Variants in MRPL11 observed in about 807,000 individuals in gnomAD.
MRPL11 encodes large ribosomal subunit protein uL11m.
Under a neutral mutation model 19.1 loss-of-function variants are expected in MRPL11, and 21 were observed. The observed-to-expected ratio is 1.10, with a 90% confidence interval of 0.78 to 1.58. MRPL11 has a LOEUF of 1.58. Among genes scored for constraint, MRPL11 ranks in the 40% most tolerant of loss-of-function variants. MRPL11 has a pLI of 0.00. For synonymous variants in MRPL11, 108 were observed against 99.7 expected (o/e 1.08, Z -0.49); for missense variants, 242 against 243.9 (o/e 0.99, Z 0.05).
chr11:66,437,228 C>A lies in MRPL11; in HGVS notation c.349G>T (p.Val117Leu), dbSNP rs1304057524. 6.2e-7 allele frequency: 1 copy of A among 1,614,220 alleles called. No homozygotes were observed. Among genetic ancestry groups the A allele is most frequent in the South Asian group, 1.1e-5 (1 of 91,084 alleles). ...GCTTTGATGCGGGCAATCTCATACA[C>A]ATGCTTCAAGGTCACCAGGCCTGCC... The part of the protein sequence containing the change: ...EVAGLVTLKH[V>L]YEIARIKAQD... The change falls in exon 4 of 5, where the codon GTG (valine) becomes TTG (leucine). Residue 117 changes from valine to leucine, a missense_variant. By Grantham distance (32) the Val-to-Leu change is conservative (BLOSUM62 1). Coordinates refer to ENST00000310999, the MANE Select transcript of MRPL11 (RefSeq NM_016050.5).
Position 66,438,796 on chromosome 11 carries a change from A to G in MRPL11, c.-42T>C. 2.1e-6 allele frequency: 3 copies of G among 1,452,446 alleles called. No individual in the cohort carries two copies. The highest frequency in any genetic ancestry group is 2.7e-5 in the Admixed American group (1 of 36,756). 90.0% of individuals were successfully genotyped at this position (1,452,446 alleles called of 1,614,324 possible). On this transcript the variant is annotated 5_prime_UTR_variant, in exon 1 of 5. Transcript: ENST00000310999. ...CTTCAGTTCACCTCAGGGGAGCAGC[A>G]AGAGCGAAGCTCTGGGCGCCACCAT...
Position 66,435,819 on chromosome 11 carries a change from G to C in MRPL11, c.*188C>G. On this transcript the variant is annotated 3_prime_UTR_variant, in exon 5 of 5. Transcript: ENST00000310999. ...CTGGTTCCCTTCCCTGAGGTCCCAA[G>C]ATAGAAGATGACAGTGGGTAAGAAA... 2 of 567,190 alleles carry C rather than the reference G, an allele frequency of 3.5e-6. No homozygotes were observed. Among genetic ancestry groups the C allele is most frequent in the Non-Finnish European group, 3.2e-6 (1 of 313,320 alleles). The allele number at this position is 567,190 out of a possible 1,614,324, so 35.1% of individuals were successfully genotyped here.
rs1239612727 is a variant in MRPL11, at chr11:66,438,703, C to G, written c.52G>C (p.Gly18Arg). The change falls in exon 1 of 5, where the codon GGT (glycine) becomes CGT (arginine). Residue 18 changes from glycine to arginine, a missense_variant. Gly to Arg is a moderately radical substitution (Grantham distance 125). Coordinates refer to ENST00000310999, the MANE Select transcript of MRPL11 (RefSeq NM_016050.5). ...GCCCGCACGATCGCCCGGATCACAC[C>G]GCCGACCTCGGGCTTCCTGAGGCCC... ...ARGLRKPEVG[G>R]VIRAIVRAGL... The G allele has an allele frequency of 6.3e-7, 1 of 1,584,430 alleles. No individual in the cohort carries two copies. The highest frequency in any genetic ancestry group is 1.7e-5 in the Admixed American group (1 of 57,328).
Position 66,436,124 on chromosome 11 carries a change from A to G in MRPL11, c.474-12T>C. ...CTTCTGAACTGAGGCTGCAAGTGAAAAAAGACAAATGGTTGGCGCATGATT... is the reference window on the plus strand; with the variant it reads ...CTTCTGAACTGAGGCTGCAAGTGAAGAAAGACAAATGGTTGGCGCATGATT... On this transcript the variant is annotated splice_polypyrimidine_tract_variant and intron_variant, in intron 4 of 4. Coordinates refer to ENST00000310999, the MANE Select transcript of MRPL11 (RefSeq NM_016050.5). 2 of 1,610,904 alleles carry G rather than the reference A, an allele frequency of 1.2e-6. No homozygotes were observed. The highest frequency in any genetic ancestry group is 1.7e-6 in the Non-Finnish European group (2 of 1,177,632).
At chr11:66,437,829 G>A (rs1449362514) in intron 2 of MRPL11, among the ~76,000 whole-genome samples, 1 of 152,086 alleles carries the variant, frequency 6.6e-6, no homozygotes, top group African/African-American at 2.4e-5. Flanking sequence ...AGCGGAGATC[G>A]TGCCACTGCA....
chr11:66,438,294 G>A (rs779900420), intron 1 of MRPL11, 35 bp from the exon 2 acceptor site: 7 of 1,526,804 alleles, frequency 4.6e-6, no homozygotes, highest in Non-Finnish European at 6.4e-6. Context: ...GTGGTGAGAG[G>A]AGGGGACGGC....
chr11:66,437,097 T>C lies in MRPL11; in HGVS notation c.473+7A>G, dbSNP rs1565247037. Reference sequence around the variant, plus strand: ...TCTCGTCACACTGCACATGCCAGGATACTTACTCCTTCACCACGCGAATGC... The same window carrying C: ...TCTCGTCACACTGCACATGCCAGGACACTTACTCCTTCACCACGCGAATGC... On this transcript the variant is annotated splice_region_variant and intron_variant, in intron 4 of 4. Coordinates refer to ENST00000310999, the MANE Select transcript of MRPL11 (RefSeq NM_016050.5). The C allele has an allele frequency of 1.2e-6, 2 of 1,613,664 alleles. No homozygotes were observed. The highest frequency in any genetic ancestry group is 1.7e-6 in the Non-Finnish European group (2 of 1,179,764).
intron 1 of MRPL11, 128 bp downstream of exon 1, chr11:66,438,504 A>G: frequency 7.8e-7 from 1 of 1,283,662 alleles, no homozygotes. Context: ...AAGGACATAA[A>G]GCGTGTGAGA....
intron 1 of MRPL11, 124 bp from the exon 2 acceptor site, chr11:66,438,383 C>A: frequency 1.1e-6 from 1 of 921,800 alleles, no homozygotes; most frequent in Non-Finnish European, 1.7e-6. Context: ...CCAGATTCAA[C>A]TACCCCTCCG....
In MRPL11 at chr11:66,437,524, C is replaced by T. The variant is rs1045381059; in HGVS notation, c.220-81G>A. The T allele has an allele frequency of 8.7e-6, 11 of 1,269,042 alleles. No homozygotes were observed. In the African/African-American group the frequency reaches 1.0e-4, roughly 12 times the overall value. 78.6% of individuals were successfully genotyped at this position (1,269,042 alleles called of 1,614,324 possible). On this transcript the variant is annotated intron_variant, in intron 2 of 4. Transcript: ENST00000310999. The stretch of plus-strand genomic sequence containing the variant: ...ACTTCTAATGTCTTGCCCCCTGCTT[C>T]CTTCATCTCACTTTCCAATGGCATC...
In MRPL11 at chr11:66,437,388, T is replaced by C. The variant is rs1369407637; in HGVS notation, c.275A>G (p.Lys92Arg). The C allele has an allele frequency of 3.7e-6, 6 of 1,614,082 alleles. No homozygotes were observed. The highest frequency in any genetic ancestry group is 5.1e-6 in the Non-Finnish European group (6 of 1,180,042). Residue 92 changes from lysine (K) to arginine (R), a missense_variant, in exon 3 of 5, where the codon AAG becomes AGG. By Grantham distance (26) the Lys-to-Arg change is conservative (BLOSUM62 2). Coordinates refer to ENST00000310999, the MANE Select transcript of MRPL11 (RefSeq NM_016050.5). ...CCCCTTTTCAATCCCAGCTGCTGCC[T>C]TCAGGAAGTAGGAAACAGTGGGCTG... ...IGQPTVSYFLKAAAGIEKGAR... is the reference protein window; with the variant it reads ...IGQPTVSYFLRAAAGIEKGAR...
chr11:66,438,131 G>T, intron 2 of MRPL11, 33 bp downstream of exon 2: 2 of 1,503,358 alleles, frequency 1.3e-6, no homozygotes, highest in Non-Finnish European at 1.9e-6. Flanking sequence ...AACAGAGGGA[G>T]AAGGAAACCA....
At position 66,436,755 on chromosome 11, in the gene MRPL11, A is replaced by C. The variant is rs554154124; in HGVS notation, c.473+349T>G. Reference sequence around the variant, plus strand: ...CCTGTTTGCCTCAGGAGCAAGCATGAACCTGACACAGCTCAAAAGTCCTTC... The same window carrying C: ...CCTGTTTGCCTCAGGAGCAAGCATGCACCTGACACAGCTCAAAAGTCCTTC... On this transcript the variant is annotated intron_variant, in intron 4 of 4. Transcript: ENST00000310999. 36 of 1,268,694 alleles carry C rather than the reference A, an allele frequency of 2.8e-5. 1 individual carries two copies. In the Middle Eastern group the frequency reaches 5.6e-4, roughly 20 times the overall value. The allele number at this position is 1,268,694 out of a possible 1,614,324, so 78.6% of individuals were successfully genotyped here.
Position 66,435,932 on chromosome 11 carries a change from G to A in MRPL11, c.*75C>T. The A allele has an allele frequency of 9.6e-7, 1 of 1,040,368 alleles. No individual in the cohort carries two copies. Among genetic ancestry groups the A allele is most frequent in the Non-Finnish European group, 1.5e-6 (1 of 669,710 alleles). 64.4% of individuals were successfully genotyped at this position (1,040,368 alleles called of 1,614,324 possible). A position where few individuals can be genotyped will look rare whatever the true frequency, so the allele number is the denominator to read the frequency against. Reference sequence around the variant, plus strand: ...TCATGAAAACCATCATCATATTGGTGTGACCTCCTTCCTCCCCTTGGGCAC... The same window carrying A: ...TCATGAAAACCATCATCATATTGGTATGACCTCCTTCCTCCCCTTGGGCAC... On this transcript the variant is annotated 3_prime_UTR_variant, in exon 5 of 5. Transcript: ENST00000310999.
chr11:66,436,307 AAC>A (rs1262587900), intron 4 of MRPL11, among the ~76,000 whole-genome samples, 195 bp from the exon 5 acceptor site: 1 of 151,880 alleles, frequency 6.6e-6, no homozygotes, highest in African/African-American at 2.4e-5. Context: ...CCCAACCCCC[AAC>A]ACCCCTATCT....
At chr11:66,436,135 GGTT>G (rs1856963896) in intron 4 of MRPL11, 23 bp from the exon 5 acceptor site, 2 of 1,602,114 alleles carry the variant, frequency 1.2e-6, no homozygotes, top group Non-Finnish European at 1.7e-6. Flanking sequence ...AAAGACAAAT[GGTT>G]GGCGCATGAT....
intron 4 of MRPL11, chr11:66,436,719 T>A: frequency 1.2e-6 from 1 of 862,838 alleles, no homozygotes; most frequent in East Asian, 2.4e-5. Context: ...CGAAGCCCCA[T>A]GACAGGGGTC....
Position 66,438,156 on chromosome 11 carries a change from G to T in MRPL11, c.219+8C>A. The T allele has an allele frequency of 1.9e-6, 3 of 1,600,954 alleles. No homozygotes were observed. Among genetic ancestry groups the T allele is most frequent in the Non-Finnish European group, 2.6e-6 (3 of 1,167,966 alleles). On this transcript the variant is annotated splice_region_variant and intron_variant, in intron 2 of 4. Coordinates refer to ENST00000310999, the MANE Select transcript of MRPL11 (RefSeq NM_016050.5). Reference sequence around the variant, plus strand: ...GAAGGAAACCAGGGATCAGAGTCCAGACTCCACCTTCACTAAAATCTTGGT... The same window carrying T: ...GAAGGAAACCAGGGATCAGAGTCCATACTCCACCTTCACTAAAATCTTGGT...
At chr11:66,436,754 G>C in intron 4 of MRPL11, 1 of 1,267,066 alleles carries the variant, frequency 7.9e-7, no homozygotes, top group Non-Finnish European at 1.1e-6. Context: ...GAGCAAGCAT[G>C]AACCTGACAC....
Sources: gnomAD v4.1 joint callset for allele counts (sites outside exome capture counted in the v4.1 genomes callset) on GRCh38, gnomAD v4.1.1 for gene constraint, MANE v1.5 for transcripts, NCBI Gene and HGNC (gene_info 2026-07-23, HGNC 2026-07-21) for gene names.